C19orf38: variants seen among roughly 807,000 people sequenced by gnomAD.
C19orf38 encodes chromosome 19 open reading frame 38.
Under a neutral mutation model 26.6 loss-of-function variants are expected in C19orf38, and 14 were observed. That is an observed-to-expected ratio of 0.53 (90% confidence interval 0.35 to 0.82). The LOEUF (loss-of-function observed/expected upper bound fraction) is 0.82, where lower values mean the gene tolerates loss of function less well. Among genes scored for constraint, C19orf38 ranks in the 40% least tolerant of loss-of-function variants. The pLI, the probability that C19orf38 is intolerant of heterozygous loss-of-function variation, is 0.01. For missense variants in C19orf38, 261 were observed against 299.5 expected, an observed-to-expected ratio of 0.87 and a Z score of 0.95; for synonymous variants, 132 against 128.5, an observed-to-expected ratio of 1.03 and a Z score of -0.18.
intron 1 of C19orf38, 47 bp from the exon 2 acceptor site, chr19:10,850,212 C>A: frequency 6.7e-7 from 1 of 1,488,940 alleles, no homozygotes; most frequent in Non-Finnish European, 9.0e-7. Flanking sequence ...GCCAGGGCAG[C>A]CTCCACTCTC....
upstream of C19orf38, among the ~76,000 whole-genome samples, chr19:10,848,196 A>G (rs1040802762): frequency 6.6e-6 from 1 of 152,132 alleles, no homozygotes; most frequent in Non-Finnish European, 1.5e-5. Context: ...GTCTCAAAAA[A>G]TAAAAATAAA....
chr19:10,859,822 G>A (rs534182447), intron 4 of C19orf38, 93 bp from the exon 5 acceptor site: 2 of 1,142,090 alleles, frequency 1.8e-6, no homozygotes, highest in South Asian at 2.7e-5. Flanking sequence ...GCTACATTTT[G>A]GGTGTGGTTT....
intron 1 of C19orf38, among the ~76,000 whole-genome samples, chr19:10,837,110 A>G (rs572571532): frequency 1.5e-4 from 23 of 152,242 alleles, no homozygotes; most frequent in Non-Finnish European, 3.1e-4. Flanking sequence ...TAATAGGCCT[A>G]CGCTACTGGG....
chr19:10,843,745 A>G (rs896186481), upstream of C19orf38, among the ~76,000 whole-genome samples: 1 of 152,168 alleles, frequency 6.6e-6, no homozygotes, highest in African/African-American at 2.4e-5. Flanking sequence ...TGTGCCAAGC[A>G]TGGTGGGAGA....
intron 6 of C19orf38, among the ~76,000 whole-genome samples, chr19:10,866,125 C>T (rs1247687392): frequency 2.0e-5 from 3 of 151,302 alleles, no homozygotes; most frequent in Non-Finnish European, 4.4e-5. Context: ...TGCAACCTCC[C>T]CCCCTGGGTT....
chr19:10,837,525 GAGAC>G (rs1362504265), intron 1 of C19orf38, among the ~76,000 whole-genome samples: 1 of 5,672 alleles, frequency 1.8e-4, no homozygotes, highest in Non-Finnish European at 3.9e-4. Flanking sequence ...TTTTTTTTTT[GAGAC>G]AGAGTCTCCC....
At chr19:10,845,269 A>G (rs1178732486), upstream of C19orf38, among the ~76,000 whole-genome samples, 1 of 152,058 alleles carries the variant, frequency 6.6e-6, no homozygotes, top group African/African-American at 2.4e-5. Context: ...AAACAACTAC[A>G]CCGTGTACTT....
intron 6 of C19orf38, 77 bp downstream of exon 6, chr19:10,863,284 C>T (rs1599671474): frequency 6.8e-7 from 1 of 1,469,094 alleles, no homozygotes; most frequent in Admixed American, 2.0e-5. Flanking sequence ...CAAGGGGCAC[C>T]ACGAGGCTAA....
At chr19:10,850,678 T>C in intron 2 of C19orf38, 111 bp downstream of exon 2, 1 of 1,140,486 alleles carries the variant, frequency 8.8e-7, no homozygotes, top group South Asian at 1.5e-5. Context: ...GCTTACACCC[T>C]GCCAGGACTT....
chr19:10,856,974 AT>A (rs560904793), intron 3 of C19orf38, among the ~76,000 whole-genome samples: 10 of 150,624 alleles, frequency 6.6e-5, no homozygotes, highest in East Asian at 2.0e-4. Flanking sequence ...TTATTTATTT[AT>A]TTTTTTTAGG....
chr19:10,850,205 A>C (rs368649305), intron 1 of C19orf38, 54 bp from the exon 2 acceptor site: 1 of 1,469,326 alleles, frequency 6.8e-7, no homozygotes, highest in Non-Finnish European at 9.1e-7. Context: ...CCACATAGCC[A>C]GGGCAGCCTC....
chr19:10,865,953 C>A (rs551810527), intron 6 of C19orf38, among the ~76,000 whole-genome samples: 17 of 152,000 alleles, frequency 1.1e-4, no homozygotes, highest in African/African-American at 3.6e-4. Context: ...GCTGGGACCA[C>A]AGACTTCCAC....
chr19:10,845,023 C>T (rs1433620731), upstream of C19orf38, among the ~76,000 whole-genome samples: 1 of 139,312 alleles, frequency 7.2e-6, no homozygotes. Context: ...AGCCAGGTGC[C>T]GTGCATGCCT....
chr19:10,850,384 C>A lies in C19orf38; in HGVS notation c.157C>A (p.Arg53=), dbSNP rs570425047. The A allele has an allele frequency of 1.2e-5, 18 of 1,550,808 alleles. No individual in the cohort carries two copies. In the South Asian group the frequency reaches 2.0e-4, roughly 17 times the overall value. ...CCCGGGGGCGAATTTCACACTGTATCGAGGGGGGCAGGTGGTCCAGCTCCT... is the reference window on the plus strand; with the variant it reads ...CCCGGGGGCGAATTTCACACTGTATAGAGGGGGGCAGGTGGTCCAGCTCCT... The part of the protein sequence containing the change: ...NFPGANFTLY[R]GGQVVQLLQA... The change falls in exon 2 of 7, where the codon CGA becomes AGA. Residue 53 remains arginine (R), a synonymous_variant. Coordinates refer to ENST00000397820, the MANE Select transcript of C19orf38 (RefSeq NM_001136482.3).
chr19:10,864,692 G>A (rs2073735419), intron 6 of C19orf38, among the ~76,000 whole-genome samples: 1 of 152,184 alleles, frequency 6.6e-6, no homozygotes, highest in South Asian at 2.1e-4. Flanking sequence ...CAAAGGGTGG[G>A]TGGTTTGGTC....
intron 4 of C19orf38, among the ~76,000 whole-genome samples, chr19:10,859,372 ATATATATATATATTTT>A (rs1439923474): frequency 0.029 from 1,603 of 54,870 alleles, 35 homozygotes; most frequent in African/African-American, 0.073. Context: ...ATATATATAT[ATATATATATATATTTT>A]TTTTTTTTTT....
chr19:10,864,305 C>T (rs776691227), intron 6 of C19orf38, among the ~76,000 whole-genome samples: 81 of 152,028 alleles, frequency 5.3e-4, no homozygotes, highest in Non-Finnish European at 9.4e-4. Context: ...AGGTGATCCA[C>T]TGGGATTACA....
In C19orf38 at chr19:10,854,768, TG is replaced by T. The variant is rs538848319; in HGVS notation, c.341-1492del. Among the ~76,000 whole-genome samples the T allele has an allele frequency of 2.0e-3, 303 of 152,158 alleles. 2 individuals carry two copies. Among genetic ancestry groups the T allele is most frequent in the South Asian group, 4.2e-3 (20 of 4,812 alleles). ...TGGATCTCAGGGTCTACCGTTGGGC[TG>T]GGGGTGGATGTCATCTGGCCACTGG... On this transcript the variant is annotated intron_variant, in intron 2 of 6. Transcript: ENST00000397820.
rs774501759 is a variant in C19orf38, at chr19:10,850,228, G to GCACC, written c.32-22_32-19dup. The GCACC allele has an allele frequency of 5.1e-5, 77 of 1,517,648 alleles. No homozygotes were observed. In the African/African-American group the frequency reaches 5.5e-4, roughly 11 times the overall value. The allele number at this position is 1,517,648 out of a possible 1,614,324, so 94.0% of individuals were successfully genotyped here. ...CCAGGGCAGCCTCCACTCTCACCAC[G>GCACC]CACCCACCCACCTTACCCTCTGCAT... On this transcript the variant is annotated intron_variant, in intron 1 of 6. Transcript: ENST00000397820.
Sources: allele counts gnomAD v4.1 joint callset (sites outside exome capture counted in the v4.1 genomes callset), GRCh38; gene constraint gnomAD v4.1.1; transcripts MANE v1.5; gene names NCBI Gene and HGNC (gene_info 2026-07-23, HGNC 2026-07-21).